CDH18: variants seen among roughly 807,000 people sequenced by gnomAD.
CDH18 encodes the protein cadherin-18.
A neutral mutation model predicts 67.9 loss-of-function variants in CDH18; 31 were observed. The observed-to-expected ratio is 0.46, with a 90% CI of 0.34 to 0.62. CDH18 has a LOEUF of 0.62. CDH18 is among the 20% of genes least tolerant of loss of function. The pLI, the probability that CDH18 is intolerant of heterozygous loss-of-function variation, is 0.01. For synonymous variants in CDH18, 362 were observed against 347.2 expected (o/e 1.04, Z -0.48); for missense variants, 890 against 975.5 (o/e 0.91, Z 1.17).
chr5:20,393,075 A>C (rs574762415), intron 1 of CDH18, among the ~76,000 whole-genome samples: 1 of 152,050 alleles, frequency 6.6e-6, no homozygotes, highest in East Asian at 1.9e-4. Context: ...ACACAAATAT[A>C]TGTGATATAT....
intron 1 of CDH18, among the ~76,000 whole-genome samples, chr5:20,517,061 T>G (rs1421381690): frequency 6.6e-6 from 1 of 151,954 alleles, no homozygotes; most frequent in Non-Finnish European, 1.5e-5. Flanking sequence ...TATTTTGGTA[T>G]AGCTATAGAA....
At chr5:20,406,625 A>C (rs2150137111) in intron 1 of CDH18, among the ~76,000 whole-genome samples, 1 of 152,250 alleles carries the variant, frequency 6.6e-6, no homozygotes, top group East Asian at 1.9e-4. Flanking sequence ...AATGGCTATT[A>C]AAAAATAGAA....
intron 1 of CDH18, among the ~76,000 whole-genome samples, chr5:20,431,898 C>G (rs1396321097): frequency 6.6e-6 from 1 of 152,114 alleles, no homozygotes; most frequent in East Asian, 1.9e-4. Flanking sequence ...AGCATTTTAT[C>G]CACCAGGCAG....
chr5:19,727,606 G>C (rs1767010637), intron 4 of CDH18, among the ~76,000 whole-genome samples: 1 of 152,114 alleles, frequency 6.6e-6, no homozygotes, highest in Admixed American at 6.6e-5. Flanking sequence ...CACTTTTGTA[G>C]GGCAACTCTA....
intron 1 of CDH18, among the ~76,000 whole-genome samples, chr5:19,987,396 A>G (rs1799677541): frequency 6.6e-6 from 1 of 152,196 alleles, no homozygotes; most frequent in Admixed American, 6.5e-5. Flanking sequence ...AATGAGAGTT[A>G]ACAAACATAA....
At chr5:19,628,314 C>G (rs1296150861) in intron 5 of CDH18, among the ~76,000 whole-genome samples, 1 of 152,100 alleles carries the variant, frequency 6.6e-6, no homozygotes, top group Non-Finnish European at 1.5e-5. Flanking sequence ...ATAAATTGCA[C>G]AGTCTTGGGT....
chr5:19,874,008 A>G (rs1387856761), intron 2 of CDH18, among the ~76,000 whole-genome samples: 2 of 152,188 alleles, frequency 1.3e-5, no homozygotes, highest in African/African-American at 4.8e-5. Flanking sequence ...TCCACAAAGA[A>G]CATGTTGCAA....
At chr5:19,859,754 A>G (rs1784678904) in intron 2 of CDH18, among the ~76,000 whole-genome samples, 1 of 152,108 alleles carries the variant, frequency 6.6e-6, no homozygotes, top group African/African-American at 2.4e-5. Context: ...TCTTAAACAT[A>G]TTGATAAATG....
intron 1 of CDH18, among the ~76,000 whole-genome samples, chr5:20,459,336 C>T (rs1003232596): frequency 3.3e-5 from 5 of 152,058 alleles, no homozygotes; most frequent in Non-Finnish European, 2.9e-5. Context: ...TTGAGAGTGA[C>T]GTATTTGTAA....
rs766555054 is a variant in CDH18 at position 19,473,424 on chromosome 5, T to C, written c.2175A>G (p.Leu725=). The change falls in exon 13 of 13, where the codon CTA becomes CTG. Residue 725 remains leucine, a synonymous_variant. Transcript: ENST00000382275. ...FIKQRLAEAD[L]DPSVPPYDSL... ...AGTCATAAGGGGGAACGCTAGGGTC[T>C]AGGTCTGCTTCTGCCAGTCTTTGCT... 3 of 1,613,858 alleles carry C rather than the reference T, an allele frequency of 1.9e-6. No individual in the cohort carries two copies. Among genetic ancestry groups the C allele is most frequent in the South Asian group, 2.2e-5 (2 of 91,084 alleles).
intron 12 of CDH18, among the ~76,000 whole-genome samples, chr5:19,477,222 C>T (rs970021120): frequency 6.0e-5 from 9 of 150,884 alleles, no homozygotes; most frequent in African/African-American, 1.7e-4. Flanking sequence ...TATGTCAGGA[C>T]ATCAGGGCAA....
intron 2 of CDH18, among the ~76,000 whole-genome samples, chr5:20,177,152 A>C (rs1230853182): frequency 6.6e-6 from 1 of 152,148 alleles, no homozygotes; most frequent in Non-Finnish European, 1.5e-5. Flanking sequence ...GTAATTTAAC[A>C]TGAGGTTGTT....
At chr5:19,990,880 T>G (rs532582323), upstream of CDH18, among the ~76,000 whole-genome samples, 14 of 152,344 alleles carry the variant, frequency 9.2e-5, no homozygotes, top group African/African-American at 2.2e-4. Flanking sequence ...TTTCTCTTTA[T>G]GTCTAAGATT....
chr5:20,451,239 GT>G, intron 1 of CDH18, among the ~76,000 whole-genome samples: 1 of 152,152 alleles, frequency 6.6e-6, no homozygotes. Context: ...CTACCCCAGT[GT>G]ACAGCACATA....
At chr5:19,609,785 A>G (rs1455317836) in intron 6 of CDH18, among the ~76,000 whole-genome samples, 1 of 151,940 alleles carries the variant, frequency 6.6e-6, no homozygotes, top group Non-Finnish European at 1.5e-5. Flanking sequence ...AACTGTAAAA[A>G]CCTCACATTA....
Position 19,683,831 on chromosome 5 carries a change from A to C in CDH18, c.643+37516T>G, listed in dbSNP as rs146199709. On this transcript the variant is annotated intron_variant, in intron 5 of 12. Coordinates refer to ENST00000382275, the MANE Select transcript of CDH18 (RefSeq NM_004934.5). Reference sequence around the variant, plus strand: ...TCTTCCTCTGAGATAATTCCTCTCTATATATATTGTTCACACGTGTCCCCT... The same window carrying C: ...TCTTCCTCTGAGATAATTCCTCTCTCTATATATTGTTCACACGTGTCCCCT... Among the ~76,000 whole-genome samples the C allele has an allele frequency of 3.0e-3, 453 of 152,108 alleles. 2 individuals are homozygous for C. Among genetic ancestry groups the C allele is most frequent in the African/African-American group, 7.8e-3 (323 of 41,478 alleles).
At chr5:20,400,409 C>T (rs946363211) in intron 1 of CDH18, among the ~76,000 whole-genome samples, 2 of 151,890 alleles carry the variant, frequency 1.3e-5, no homozygotes, top group South Asian at 2.1e-4. Flanking sequence ...AGCCAGGAGA[C>T]GGAGGTTGCA....
intron 2 of CDH18, among the ~76,000 whole-genome samples, chr5:19,840,963 ATAAT>A (rs1383806884): frequency 6.6e-6 from 1 of 152,208 alleles, no homozygotes; most frequent in Non-Finnish European, 1.5e-5. Context: ...ACATGACAGT[ATAAT>A]TAATTTATAA....
rs70950099 is a variant in CDH18 at position 19,755,458 on chromosome 5, T to TAC, written c.229-8224_229-8223dup. Among the ~76,000 whole-genome samples, 35 of 9,448 alleles carry TAC rather than the reference T, an allele frequency of 3.7e-3. 2 individuals are homozygous for TAC. Among genetic ancestry groups the TAC allele is most frequent in the African/African-American group, 5.0e-3 (35 of 7,006 alleles). 6.2% of individuals were successfully genotyped at this position (9,448 alleles called of 152,430 possible). A position where few individuals can be genotyped will look rare whatever the true frequency, so the allele number is the denominator to read the frequency against. On this transcript the variant is annotated intron_variant, in intron 3 of 12. Transcript: ENST00000382275. Reference sequence around the variant, plus strand: ...ATATATATATATATATATATATATATACACACACACACACACATACATAGA... The same window carrying TAC: ...ATATATATATATATATATATATATATACACACACACACACACACATACATAGA...
Sources: gnomAD v4.1 joint callset for allele counts (sites outside exome capture counted in the v4.1 genomes callset) on GRCh38, gnomAD v4.1.1 for gene constraint, MANE v1.5 for transcripts, NCBI Gene and HGNC (gene_info 2026-07-23, HGNC 2026-07-21) for gene names.